DCAF6: variants seen among roughly 807,000 people sequenced by gnomAD.
DCAF6 encodes the protein DDB1- and CUL4-associated factor 6.
A neutral mutation model predicts 125.1 loss-of-function variants in DCAF6; 54 were observed. The ratio of observed to expected loss-of-function variants is 0.43; its 90% CI spans 0.35 to 0.54. DCAF6 has a LOEUF of 0.54. DCAF6 is among the 20% of genes least tolerant of loss of function. The pLI, the probability that DCAF6 is intolerant of heterozygous loss-of-function variation, is 0.01. For synonymous variants in DCAF6, 371 were observed against 390.4 expected (o/e 0.95, Z 0.58); for missense variants, 934 against 1,161.7 (o/e 0.80, Z 2.85).
At chr1:168,029,071 A>C (rs1312191135) in intron 12 of DCAF6, among the ~76,000 whole-genome samples, 1 of 152,210 alleles carries the variant, frequency 6.6e-6, no homozygotes, top group Non-Finnish European at 1.5e-5. Flanking sequence ...TGATTGTTCC[A>C]ATTAATGATA....
At chr1:167,985,003 G>T (rs1557931039) in intron 4 of DCAF6, among the ~76,000 whole-genome samples, 1 of 152,152 alleles carries the variant, frequency 6.6e-6, no homozygotes, top group Non-Finnish European at 1.5e-5. Flanking sequence ...GACAAGAGAA[G>T]AGAGCTTGTG....
At chr1:167,945,234 G>C (rs1672881982) in intron 1 of DCAF6, among the ~76,000 whole-genome samples, 1 of 152,070 alleles carries the variant, frequency 6.6e-6, no homozygotes. Context: ...TGAATTTTAG[G>C]ATTGTTTTTT....
In DCAF6 at chr1:168,027,103, A is replaced by AT. The variant is rs553055333; in HGVS notation, c.1609+4062dup. On this transcript the variant is annotated intron_variant, in intron 12 of 21. Transcript: ENST00000367840. ...CAACTCCCAGAAAGTCTGATAAATC[A>AT]TTTTTTAAATTTGGCAACGTGATTG... Among the ~76,000 whole-genome samples, 116 of 152,216 alleles carry AT rather than the reference A, an allele frequency of 7.6e-4. 1 individual carries two copies. The South Asian group carries it at 0.022, about 29-fold the overall frequency.
At chr1:168,026,530 G>T (rs1686362156) in intron 12 of DCAF6, among the ~76,000 whole-genome samples, 1 of 152,080 alleles carries the variant, frequency 6.6e-6, no homozygotes, top group South Asian at 2.1e-4. Flanking sequence ...GTGAGAAGTG[G>T]GAATGGACAG....
intron 1 of DCAF6, among the ~76,000 whole-genome samples, chr1:167,948,134 C>CTT (rs34716266): frequency 0.083 from 10,984 of 132,720 alleles, 465 homozygotes; most frequent in Middle Eastern, 0.11. Flanking sequence ...TTTCTTAGTC[C>CTT]TTTTTTTTTT....
At chr1:167,869,864 C>G in the DCAF6 span, among the ~76,000 whole-genome samples, 1 of 152,188 alleles carries the variant, frequency 6.6e-6, no homozygotes, top group East Asian at 1.9e-4. Context: ...TTCACTATCT[C>G]GGTGTCTGAG....
chr1:167,904,374 C>T, the DCAF6 span, among the ~76,000 whole-genome samples: 1,647 of 152,174 alleles, frequency 0.011, 31 homozygotes, highest in African/African-American at 0.03. Context: ...GCGTGAGCCA[C>T]CGAACCCGGT....
At chr1:167,997,365 T>A (rs540919944) in intron 7 of DCAF6, among the ~76,000 whole-genome samples, 5 of 152,286 alleles carry the variant, frequency 3.3e-5, no homozygotes, top group African/African-American at 1.2e-4. Context: ...TTGGGAGTGA[T>A]TAGTTGTTTG....
intron 11 of DCAF6, among the ~76,000 whole-genome samples, chr1:168,017,965 A>G (rs1305687931): frequency 4.6e-5 from 7 of 152,182 alleles, no homozygotes; most frequent in Admixed American, 4.6e-4. Context: ...AAGATGTTCA[A>G]AGGAGACATT....
At chr1:167,971,888 C>T (rs910030613) in intron 3 of DCAF6, among the ~76,000 whole-genome samples, 5 of 151,936 alleles carry the variant, frequency 3.3e-5, no homozygotes, top group African/African-American at 1.2e-4. Flanking sequence ...CAGAGTCTTG[C>T]TCTGTCGCCC....
At chr1:167,868,082 C>T in the DCAF6 span, among the ~76,000 whole-genome samples, 535 of 152,240 alleles carry the variant, frequency 3.5e-3, 3 homozygotes, top group African/African-American at 0.012. Flanking sequence ...AGAGGAGGTT[C>T]GTAAACTCTC....
chr1:167,943,417 C>T (rs1260838011), intron 1 of DCAF6, among the ~76,000 whole-genome samples: 2 of 152,122 alleles, frequency 1.3e-5, no homozygotes, highest in African/African-American at 4.8e-5. Flanking sequence ...GTGTATTAAG[C>T]ATTCTTTGAT....
rs1426005217 is a variant in DCAF6, at chr1:167,985,041, C to A, written c.439-2454C>A. ...GAAAAACTCCCATTTTAAAAACCAT[C>A]ATATCTCATGAGACTTATGCACCAT... On this transcript the variant is annotated intron_variant, in intron 4 of 21. Coordinates refer to ENST00000367840, the MANE Select transcript of DCAF6 (RefSeq NM_001198956.2). Among the ~76,000 whole-genome samples, 7 of 152,280 alleles carry A rather than the reference C, an allele frequency of 4.6e-5. No individual in the cohort carries two copies. In the South Asian group the frequency reaches 1.5e-3, roughly 32 times the overall value.
intron 17 of DCAF6, among the ~76,000 whole-genome samples, chr1:168,054,965 T>G: frequency 6.6e-6 from 1 of 152,176 alleles, no homozygotes; most frequent in Non-Finnish European, 1.5e-5. Context: ...TACAGGCATG[T>G]GCCACCATGC....
chr1:167,890,639 T>G, the DCAF6 span, among the ~76,000 whole-genome samples: 8 of 152,318 alleles, frequency 5.3e-5, 1 homozygote, highest in South Asian at 1.7e-3. Context: ...GTCTTTCCCT[T>G]CAGGGTGATG....
chr1:167,899,734 G>T, the DCAF6 span: 1 of 1,047,874 alleles, frequency 9.5e-7, no homozygotes, highest in Non-Finnish European at 1.4e-6. Context: ...TACTATCTCA[G>T]AGCAAAATCT....
At chr1:168,057,067 C>T (rs1044497849) in intron 17 of DCAF6, among the ~76,000 whole-genome samples, 1 of 152,058 alleles carries the variant, frequency 6.6e-6, no homozygotes, top group Non-Finnish European at 1.5e-5. Context: ...ATTCCTGGTC[C>T]TCTCCTAATC....
At chr1:168,018,336 A>T (rs1260748932) in intron 11 of DCAF6, among the ~76,000 whole-genome samples, 1 of 152,252 alleles carries the variant, frequency 6.6e-6, no homozygotes, top group Non-Finnish European at 1.5e-5. Context: ...AATGAGCTGT[A>T]TAAAATAGGT....
At chr1:168,023,316 C>T (rs1685897782) in intron 12 of DCAF6, 4 of 516,632 alleles carry the variant, frequency 7.7e-6, no homozygotes, top group Non-Finnish European at 1.0e-5. Flanking sequence ...TGGATACAAA[C>T]TATATCCATT....
Sources: gnomAD v4.1 joint callset for allele counts (sites outside exome capture counted in the v4.1 genomes callset) on GRCh38, gnomAD v4.1.1 for gene constraint, MANE v1.5 for transcripts, NCBI Gene and HGNC (gene_info 2026-07-23, HGNC 2026-07-21) for gene names.